Variants in CTNNA2 observed in about 807,000 individuals in gnomAD.
The protein encoded by CTNNA2 is catenin alpha 2, also known as catenin alpha-2.
In CTNNA2, 42 loss-of-function variants were observed where a neutral mutation model predicts 101.0. That is an observed-to-expected ratio of 0.42 (90% CI 0.32 to 0.54). CTNNA2 has a LOEUF of 0.54. CTNNA2 is among the 20% of genes least tolerant of loss of function. The pLI is 0.14. For synonymous variants in CTNNA2, 450 were observed against 456.4 expected (o/e 0.99, Z 0.18); for missense variants, 871 against 1,223.1 (o/e 0.71, Z 4.29).
intron 3 of CTNNA2, among the ~76,000 whole-genome samples, chr2:79,806,159 A>G (rs925487378): frequency 6.6e-6 from 1 of 152,108 alleles, no homozygotes; most frequent in East Asian, 1.9e-4. Context: ...GTTAACTCTA[A>G]TTTATTATGG....
intron 9 of CTNNA2, among the ~76,000 whole-genome samples, chr2:80,528,930 A>T (rs187638888): frequency 6.6e-6 from 1 of 152,324 alleles, no homozygotes; most frequent in African/African-American, 2.4e-5. Flanking sequence ...ATGAATGGTG[A>T]CATAGGGGTT....
intron 7 of CTNNA2, among the ~76,000 whole-genome samples, chr2:79,931,249 AT>A (rs1442080068): frequency 6.6e-6 from 1 of 152,210 alleles, no homozygotes; most frequent in African/African-American, 2.4e-5. Flanking sequence ...TATCATTTAA[AT>A]TCATCTTGTC....
chr2:79,484,370 C>A (rs1037844123), intron 4 of CTNNA2, among the ~76,000 whole-genome samples: 1 of 152,114 alleles, frequency 6.6e-6, no homozygotes, highest in Non-Finnish European at 1.5e-5. Context: ...TTTTGCTGAA[C>A]TTCCTTGACC....
chr2:79,830,147 A>AT (rs1456403986), intron 3 of CTNNA2, among the ~76,000 whole-genome samples: 1 of 152,026 alleles, frequency 6.6e-6, no homozygotes, highest in African/African-American at 2.4e-5. Flanking sequence ...AATACGAAAC[A>AT]TGTCTCAAGT....
intron 7 of CTNNA2, among the ~76,000 whole-genome samples, chr2:80,094,156 T>C (rs1361694642): frequency 2.0e-5 from 3 of 152,216 alleles, no homozygotes; most frequent in Admixed American, 2.0e-4. Flanking sequence ...ATGTAAGTCT[T>C]TAATCCATCT....
chr2:79,278,521 G>GA (rs35906931), intron 2 of CTNNA2, among the ~76,000 whole-genome samples: 92,052 of 151,320 alleles, frequency 0.61, 28,223 homozygotes, highest in African/African-American at 0.62. Flanking sequence ...CCAAGCCCAC[G>GA]AAAAAAAAAT....
intron 7 of CTNNA2, among the ~76,000 whole-genome samples, chr2:80,109,138 G>T (rs1398753928): frequency 6.6e-6 from 1 of 152,156 alleles, no homozygotes; most frequent in Admixed American, 6.5e-5. Flanking sequence ...TGTTTTATTT[G>T]CACTGTCAAA....
intron 2 of CTNNA2, among the ~76,000 whole-genome samples, chr2:79,215,728 T>A (rs1360707636): frequency 2.0e-5 from 3 of 152,066 alleles, no homozygotes; most frequent in African/African-American, 4.8e-5. Flanking sequence ...TGCCTTTAGC[T>A]CTAGCCACCT....
chr2:79,222,768 A>G (rs780113940), intron 2 of CTNNA2, among the ~76,000 whole-genome samples: 5 of 151,778 alleles, frequency 3.3e-5, no homozygotes, highest in Non-Finnish European at 7.4e-5. Flanking sequence ...TTAGTTCCCA[A>G]TGTGATGGCA....
chr2:80,474,907 C>T (rs1053949648), intron 9 of CTNNA2, among the ~76,000 whole-genome samples: 4 of 152,112 alleles, frequency 2.6e-5, no homozygotes, highest in Admixed American at 2.6e-4. Context: ...ACATGGTTTG[C>T]CATTCATCGG....
chr2:80,529,854 C>A (rs547456517), intron 9 of CTNNA2, among the ~76,000 whole-genome samples: 3 of 152,240 alleles, frequency 2.0e-5, no homozygotes, highest in African/African-American at 7.2e-5. Flanking sequence ...AAATGACCTA[C>A]TGAGGATGAG....
In CTNNA2 at chr2:80,119,155, G is replaced by T. The variant is rs371623063; in HGVS notation, c.1056+209358G>T. 3.9e-5 allele frequency among the ~76,000 whole-genome samples: 6 copies of T among 152,244 alleles called. No homozygotes were observed. In the East Asian group the frequency reaches 9.7e-4, roughly 25 times the overall value. On this transcript the variant is annotated intron_variant, in intron 7 of 18. Coordinates refer to ENST00000402739, the MANE Select transcript of CTNNA2 (RefSeq NM_001282597.3). ...CTCAGCTCATAGGCTTGATCTTTAG[G>T]TTTGGCTTGTCATGGTGGCAAGATG...
intron 2 of CTNNA2, among the ~76,000 whole-genome samples, chr2:79,659,241 A>G (rs1681842479): frequency 6.8e-6 from 1 of 147,206 alleles, no homozygotes; most frequent in Non-Finnish European, 1.5e-5. Context: ...TTGCTACACC[A>G]TACACTTTCT....
chr2:80,545,118 C>T (rs374435309), intron 10 of CTNNA2, 44 bp downstream of exon 10: 51 of 1,581,754 alleles, frequency 3.2e-5, no homozygotes, highest in Non-Finnish European at 4.1e-5. Context: ...CAGTGACCTT[C>T]TCCACTCCAG....
chr2:80,303,960 A>C lies in CTNNA2; in HGVS notation c.1057-89251A>C. The C allele has an allele frequency of 1.0e-6, 1 of 1,004,922 alleles. No individual in the cohort carries two copies. Among genetic ancestry groups the C allele is most frequent in the Non-Finnish European group, 1.4e-6 (1 of 727,446 alleles). 62.3% of individuals were successfully genotyped at this position (1,004,922 alleles called of 1,614,324 possible). On this transcript the variant is annotated intron_variant, in intron 7 of 18. Coordinates refer to ENST00000402739, the MANE Select transcript of CTNNA2 (RefSeq NM_001282597.3). The surrounding 1 kb of genome is among the most constrained non-coding windows in gnomAD (Gnocchi z 7.7). ...AAAATCAAATAAATACATAGAAATA[A>C]AGAAGGACCCCCCTCCCCAAAAACC...
chr2:79,655,248 A>G (rs1478854353), intron 2 of CTNNA2, among the ~76,000 whole-genome samples: 3 of 152,170 alleles, frequency 2.0e-5, no homozygotes, highest in Non-Finnish European at 1.5e-5. Flanking sequence ...AGTATATTTA[A>G]TCCTTATCAT....
chr2:79,237,762 C>A (rs1375128302), intron 2 of CTNNA2, among the ~76,000 whole-genome samples: 1 of 152,180 alleles, frequency 6.6e-6, no homozygotes, highest in African/African-American at 2.4e-5. Flanking sequence ...ATGTACCAAC[C>A]TCTGCTAGCT....
intron 3 of CTNNA2, among the ~76,000 whole-genome samples, chr2:79,750,844 C>G (rs1294406398): frequency 6.6e-6 from 1 of 150,652 alleles, no homozygotes. Flanking sequence ...TGCACTCCAG[C>G]CTGGATGACA....
chr2:79,354,875 T>C (rs754293389), intron 3 of CTNNA2, among the ~76,000 whole-genome samples: 4 of 152,162 alleles, frequency 2.6e-5, no homozygotes, highest in Non-Finnish European at 5.9e-5. Flanking sequence ...TCTCTCTTGA[T>C]TTAGAGTGTT....
Sources: allele counts gnomAD v4.1 joint callset (sites outside exome capture counted in the v4.1 genomes callset), GRCh38; gene constraint gnomAD v4.1.1; non-coding constraint Gnocchi (gnomAD v3.1); transcripts MANE v1.5; gene names NCBI Gene and HGNC (gene_info 2026-07-23, HGNC 2026-07-21).